PTPRD: variants seen among roughly 807,000 people sequenced by gnomAD.
The protein encoded by PTPRD is receptor-type tyrosine-protein phosphatase delta.
A neutral mutation model predicts 214.5 loss-of-function variants in PTPRD; 34 were observed. The observed-to-expected ratio is 0.16, with a 90% CI of 0.12 to 0.21. The LOEUF is 0.21. PTPRD is among the 10% of genes least tolerant of loss of function. PTPRD has a pLI of 1.00. For missense variants in PTPRD, 2,545 were observed against 2,398.7 expected (o/e 1.06, Z -1.27); for synonymous variants, 1,128 against 845.7 (o/e 1.33, Z -5.79).
chr9:10,026,757 G>A (rs776039711), intron 4 of PTPRD, among the ~76,000 whole-genome samples: 3 of 151,944 alleles, frequency 2.0e-5, no homozygotes, highest in Admixed American at 6.6e-5. Flanking sequence ...CAACCATCAC[G>A]GTGGGGACTG....
intron 7 of PTPRD, among the ~76,000 whole-genome samples, chr9:9,599,610 T>C (rs931780088): frequency 2.3e-4 from 35 of 152,178 alleles, no homozygotes; most frequent in African/African-American, 8.2e-4. Flanking sequence ...ATGTGTTTCA[T>C]TCTGAGTAAT....
chr9:10,349,233 T>C (rs1327119906), intron 2 of PTPRD, among the ~76,000 whole-genome samples: 1 of 120,122 alleles, frequency 8.3e-6, no homozygotes, highest in Non-Finnish European at 1.6e-5. Context: ...TTGGGGAAAG[T>C]CATAGACCTG....
intron 3 of PTPRD, among the ~76,000 whole-genome samples, chr9:10,242,729 T>C (rs1327213535): frequency 1.3e-5 from 2 of 151,130 alleles, no homozygotes; most frequent in Non-Finnish European, 3.0e-5. Flanking sequence ...ATTAGATCAA[T>C]AGGTTTTTAT....
intron 3 of PTPRD, among the ~76,000 whole-genome samples, chr9:10,149,677 T>C (rs1313242305): frequency 1.3e-5 from 2 of 152,054 alleles, no homozygotes; most frequent in African/African-American, 4.8e-5. Context: ...TGATTATCTA[T>C]AAAACTGTGG....
intron 3 of PTPRD, among the ~76,000 whole-genome samples, chr9:10,226,594 T>C (rs2099589669): frequency 6.6e-6 from 1 of 151,972 alleles, no homozygotes; most frequent in Admixed American, 6.6e-5. Flanking sequence ...ATAAAACCAA[T>C]ATGGATTTCA....
rs1284287630 is a variant in PTPRD, at chr9:8,985,536, T to C, written c.-104+33161A>G. The stretch of plus-strand genomic sequence containing the variant: ...TTTAAAGAGTTTAATCTTCCAACAA[T>C]TCTAAATACAGTATGGTTGAGCAAT... On this transcript the variant is annotated intron_variant, in intron 11 of 45. Transcript: ENST00000381196. 2.0e-5 allele frequency among the ~76,000 whole-genome samples: 3 copies of C among 152,080 alleles called. No homozygotes were observed. In the East Asian group the frequency reaches 5.8e-4, roughly 30 times the overall value.
intron 3 of PTPRD, among the ~76,000 whole-genome samples, chr9:10,273,433 T>G (rs1040722428): frequency 3.3e-5 from 5 of 152,086 alleles, no homozygotes; most frequent in Non-Finnish European, 7.4e-5. Flanking sequence ...CCAACTACAT[T>G]AGATATGGTA....
intron 2 of PTPRD, among the ~76,000 whole-genome samples, chr9:10,479,658 T>TAAATAAATAAATAAATAAACAAACAAAC (rs141946645): frequency 1.4e-4 from 21 of 145,812 alleles, no homozygotes; most frequent in Non-Finnish European, 7.6e-5. Flanking sequence ...AATAAATAAA[T>TAAATAAATAAATAAATAAACAAACAAAC]AAACAAAAAT....
intron 2 of PTPRD, among the ~76,000 whole-genome samples, chr9:10,538,121 T>C (rs1440361076): frequency 6.6e-6 from 1 of 151,976 alleles, no homozygotes; most frequent in Non-Finnish European, 1.5e-5. Flanking sequence ...CCAGCTTGAA[T>C]CACAGTGCCT....
chr9:10,114,367 T>G (rs1424271329), intron 3 of PTPRD, among the ~76,000 whole-genome samples: 1 of 152,098 alleles, frequency 6.6e-6, no homozygotes, highest in Non-Finnish European at 1.5e-5. Flanking sequence ...TTCCTATATT[T>G]TCTTGATTCT....
At chr9:9,922,771 T>G (rs1214061969) in intron 5 of PTPRD, among the ~76,000 whole-genome samples, 2 of 151,904 alleles carry the variant, frequency 1.3e-5, no homozygotes, top group Non-Finnish European at 2.9e-5. Flanking sequence ...ACAGGGGGAA[T>G]TTTATCTTTA....
intron 6 of PTPRD, among the ~76,000 whole-genome samples, chr9:9,737,432 AC>A (rs2098318979): frequency 6.6e-6 from 1 of 152,178 alleles, no homozygotes; most frequent in African/African-American, 2.4e-5. Flanking sequence ...TGCAAAGATA[AC>A]TACTAATTCC....
At chr9:10,207,389 T>C (rs901400349) in intron 3 of PTPRD, among the ~76,000 whole-genome samples, 3 of 152,124 alleles carry the variant, frequency 2.0e-5, no homozygotes, top group Admixed American at 2.0e-4. Flanking sequence ...TTCATTTTCT[T>C]CTAATGTTAT....
In PTPRD at chr9:8,389,355, C is replaced by T. The variant is rs2135661083; in HGVS notation, c.4263G>A (p.Lys1421=). ...CCTGTGTTGCAATATAGGCATTTTG[C>T]TTCCTATACCCATCTATGTAGTTGG... is the stretch of plus-strand genomic sequence containing the variant. ...VNANYIDGYR[K]QNAYIATQGS... is the part of the protein sequence containing the mutation. Residue 1421 remains lysine (K), a synonymous_variant, in exon 37 of 46, where the codon AAG becomes AAA. Coordinates refer to ENST00000381196, the MANE Select transcript of PTPRD (RefSeq NM_002839.4). 6.2e-7 allele frequency: 1 copy of T among 1,612,870 alleles called. No homozygotes were observed. Among genetic ancestry groups the T allele is most frequent in the South Asian group, 1.1e-5 (1 of 90,940 alleles).
chr9:9,347,807 T>A (rs2049443315), intron 9 of PTPRD, among the ~76,000 whole-genome samples: 1 of 152,158 alleles, frequency 6.6e-6, no homozygotes, highest in Non-Finnish European at 1.5e-5. Context: ...CACTCAATAG[T>A]GCTTCACTCT....
chr9:9,567,816 G>C (rs746657798), intron 8 of PTPRD, among the ~76,000 whole-genome samples: 1 of 151,944 alleles, frequency 6.6e-6, no homozygotes, highest in African/African-American at 2.4e-5. Flanking sequence ...AATAGTAAAT[G>C]ATCCTTATAG....
rs1166125788 is a variant in PTPRD, at chr9:10,251,985, C to T, written c.-545+88978G>A. 2.6e-5 allele frequency among the ~76,000 whole-genome samples: 4 copies of T among 152,178 alleles called. No individual in the cohort carries two copies. The East Asian group carries it at 7.7e-4, about 29-fold the overall frequency. On this transcript the variant is annotated intron_variant, in intron 3 of 45. Coordinates refer to ENST00000381196, the MANE Select transcript of PTPRD (RefSeq NM_002839.4). ...AGTTTCTAAAAGAGTAGTTTGTAAA[C>T]ATACGCACCACAAAAAATAGTAAGT...
At chr9:9,068,156 A>C (rs2099737948) in intron 10 of PTPRD, among the ~76,000 whole-genome samples, 1 of 151,994 alleles carries the variant, frequency 6.6e-6, no homozygotes, top group Admixed American at 6.6e-5. Flanking sequence ...GATTCATCCA[A>C]ATTGTTGAGT....
At chr9:9,896,316 G>A (rs954586826) in intron 5 of PTPRD, among the ~76,000 whole-genome samples, 4 of 152,074 alleles carry the variant, frequency 2.6e-5, no homozygotes, top group Non-Finnish European at 4.4e-5. Context: ...CATGGACAAA[G>A]ATTAAGATTC....
Sources: gnomAD v4.1 joint callset for allele counts (sites outside exome capture counted in the v4.1 genomes callset) on GRCh38, gnomAD v4.1.1 for gene constraint, MANE v1.5 for transcripts, NCBI Gene and HGNC (gene_info 2026-07-23, HGNC 2026-07-21) for gene names.